The following ATP2B2 variants were observed in gnomAD, a reference collection of about 807,000 sequenced individuals.
ATP2B2 encodes plasma membrane calcium-transporting ATPase 2.
ATP2B2 carries 15 observed loss-of-function variants against 120.0 expected under a neutral mutation model. The ratio of observed to expected loss-of-function variants is 0.12; its 90% confidence interval spans 0.08 to 0.19. The LOEUF (loss-of-function observed/expected upper bound fraction) is 0.19. Among genes scored for constraint, ATP2B2 ranks in the 10% least tolerant of loss-of-function variants. ATP2B2 has a pLI of 1.00. For synonymous variants in ATP2B2, 694 were observed against 700.3 expected (o/e 0.99, Z 0.14); for missense variants, 1,045 against 1,719.8 (o/e 0.61, Z 6.94).
chr3:10,364,999 T>C (rs1231350176), intron 12 of ATP2B2, among the ~76,000 whole-genome samples: 1 of 152,252 alleles, frequency 6.6e-6, no homozygotes, highest in Non-Finnish European at 1.5e-5. Flanking sequence ...GTTCTTCACG[T>C]GCATCACCTT....
At chr3:10,475,897 C>T (rs796965661) in intron 1 of ATP2B2, among the ~76,000 whole-genome samples, 2 of 152,296 alleles carry the variant, frequency 1.3e-5, no homozygotes, top group African/African-American at 2.4e-5. Flanking sequence ...AAAGCTCTGT[C>T]CTCCAGGGGC....
intron 2 of ATP2B2, among the ~76,000 whole-genome samples, chr3:10,548,997 C>CT (rs974756421): frequency 3.9e-5 from 6 of 152,188 alleles, no homozygotes; most frequent in African/African-American, 1.4e-4. Context: ...TATTCAAAGA[C>CT]TTTTTATTGA....
At chr3:10,706,336 C>G (rs2071895771) in intron 1 of ATP2B2, among the ~76,000 whole-genome samples, 2 of 152,180 alleles carry the variant, frequency 1.3e-5, no homozygotes, top group Admixed American at 1.3e-4. Context: ...GCTGTTCCCA[C>G]CAGACTGTAT....
chr3:10,377,928 A>T (rs1181450968), intron 10 of ATP2B2, among the ~76,000 whole-genome samples: 2 of 152,178 alleles, frequency 1.3e-5, no homozygotes, highest in African/African-American at 4.8e-5. Flanking sequence ...TATTATCCTC[A>T]TTTTACAGAT....
chr3:10,662,949 G>A (rs1312772058), intron 1 of ATP2B2, among the ~76,000 whole-genome samples: 2 of 151,958 alleles, frequency 1.3e-5, no homozygotes, highest in Non-Finnish European at 1.5e-5. Flanking sequence ...GTAGGGACAT[G>A]GATGAAGCTG....
chr3:10,407,106 A>G (rs1310146011), intron 3 of ATP2B2, among the ~76,000 whole-genome samples: 2 of 152,062 alleles, frequency 1.3e-5, no homozygotes, highest in African/African-American at 4.8e-5. Flanking sequence ...CTGAGGCCTG[A>G]CTTGGGGTCC....
intron 11 of ATP2B2, among the ~76,000 whole-genome samples, chr3:10,373,674 C>A (rs2061305659): frequency 6.6e-6 from 1 of 152,086 alleles, no homozygotes; most frequent in African/African-American, 2.4e-5. Context: ...TTAAAATTAA[C>A]TTCACTGGTT....
At chr3:10,401,998 C>G in intron 4 of ATP2B2, 93 bp downstream of exon 4, 1 of 1,585,610 alleles carries the variant, frequency 6.3e-7, no homozygotes, top group Non-Finnish European at 8.6e-7. Flanking sequence ...AATGCATCCC[C>G]TTCCTTGAGC....
chr3:10,607,340 G>T (rs1030898131), intron 2 of ATP2B2, among the ~76,000 whole-genome samples: 1 of 152,136 alleles, frequency 6.6e-6, no homozygotes, highest in Non-Finnish European at 1.5e-5. Flanking sequence ...CCACAAAGCT[G>T]GGCACTCCCA....
At chr3:10,388,905 A>G (rs764678273) in intron 5 of ATP2B2, among the ~76,000 whole-genome samples, 10 of 152,356 alleles carry the variant, frequency 6.6e-5, no homozygotes, top group Non-Finnish European at 1.5e-4. Flanking sequence ...GTGTTCTAAT[A>G]AAGTACACTC....
chr3:10,360,642 A>G (rs2060870712), intron 12 of ATP2B2, among the ~76,000 whole-genome samples: 1 of 152,268 alleles, frequency 6.6e-6, no homozygotes, highest in Non-Finnish European at 1.5e-5. Flanking sequence ...GAAACAATAC[A>G]GAGATGCCGT....
Position 10,402,129 on chromosome 3 carries a change from G to C in ATP2B2, c.617C>G (p.Ala206Gly). The C allele has an allele frequency of 6.2e-7, 1 of 1,614,124 alleles. No individual in the cohort carries two copies. Among genetic ancestry groups the C allele is most frequent in the Non-Finnish European group, 8.5e-7 (1 of 1,180,034 alleles). The stretch of plus-strand genomic sequence containing the variant: ...GGCTATGTCCCCAACCACGATCTCA[G>C]CCACAGGGATCTGGACCACCTGGCC... ...RAGQVVQIPV[A>G]EIVVGDIAQV... The change falls in exon 4 of 23, where the codon GCT becomes GGT. Residue 206 changes from alanine to glycine, a missense_variant. Around this residue, in one of 11 missense-constraint regions of ATP2B2, gnomAD observed 35 missense variants for 29.9 expected, o/e 1.17. Transcript: ENST00000360273. The surrounding 1 kb of genome is among the most constrained non-coding windows in gnomAD (Gnocchi z 4.9).
intron 18 of ATP2B2, among the ~76,000 whole-genome samples, chr3:10,344,369 T>G (rs1211085008): frequency 6.6e-6 from 1 of 152,130 alleles, no homozygotes; most frequent in Non-Finnish European, 1.5e-5. Flanking sequence ...AGGGCCCTTC[T>G]GAGCAAAAGG....
intron 3 of ATP2B2, among the ~76,000 whole-genome samples, chr3:10,520,043 T>C (rs753400165): frequency 6.6e-6 from 1 of 152,218 alleles, no homozygotes; most frequent in East Asian, 1.9e-4. Context: ...CCCTGATCCC[T>C]CATGGTCACT....
At chr3:10,516,259 C>T (rs1364019779) in intron 3 of ATP2B2, among the ~76,000 whole-genome samples, 1 of 152,236 alleles carries the variant, frequency 6.6e-6, no homozygotes, top group East Asian at 1.9e-4. Context: ...CTGGCCCCAG[C>T]CCCTGGGCCT....
chr3:10,659,702 C>A (rs747189285), intron 1 of ATP2B2, among the ~76,000 whole-genome samples: 2 of 152,190 alleles, frequency 1.3e-5, no homozygotes, highest in South Asian at 2.1e-4. Context: ...AGAAAGTTAA[C>A]AAGGATATCC....
chr3:10,480,621 T>A (rs983579781), intron 1 of ATP2B2, among the ~76,000 whole-genome samples: 1 of 152,194 alleles, frequency 6.6e-6, no homozygotes. Context: ...CAAGCTTTTG[T>A]CAGCACCCGC....
At chr3:10,462,962 T>C (rs9867662) in intron 1 of ATP2B2, among the ~76,000 whole-genome samples, 18,325 of 152,110 alleles carry the variant, frequency 0.12, 3,761 homozygotes, top group African/African-American at 0.42. Context: ...GTCCTTGCCA[T>C]TTTCTGAACA....
intron 3 of ATP2B2, among the ~76,000 whole-genome samples, chr3:10,527,345 G>C (rs993703343): frequency 3.3e-5 from 5 of 152,146 alleles, no homozygotes; most frequent in African/African-American, 2.4e-5. Context: ...CATTTTACAG[G>C]GTAGGAAACT....
Sources: gnomAD v4.1 joint callset for allele counts (sites outside exome capture counted in the v4.1 genomes callset) on GRCh38, gnomAD v4.1.1 for gene constraint, gnomAD v4.1.1 regional missense constraint, Gnocchi (gnomAD v3.1) non-coding constraint, MANE v1.5 for transcripts, NCBI Gene and HGNC (gene_info 2026-07-23, HGNC 2026-07-21) for gene names.